TCERG1L: variants seen among roughly 807,000 people sequenced by gnomAD.
TCERG1L encodes transcription elongation regulator 1-like protein.
TCERG1L carries 37 observed loss-of-function variants against 56.3 expected under a neutral mutation model. The ratio of observed to expected loss-of-function variants is 0.66; its 90% CI spans 0.51 to 0.87. TCERG1L has a LOEUF of 0.87. TCERG1L is among the 40% of genes least tolerant of loss of function. The pLI is 0.00. For missense variants in TCERG1L, 799 were observed against 774.2 expected, an observed-to-expected ratio of 1.03 and a Z score of -0.38; for synonymous variants, 324 against 326.3, an observed-to-expected ratio of 0.99 and a Z score of 0.08.
chr10:131,229,872 A>AG (rs1325726415), intron 4 of TCERG1L, among the ~76,000 whole-genome samples: 1 of 152,258 alleles, frequency 6.6e-6, no homozygotes, highest in Non-Finnish European at 1.5e-5. Flanking sequence ...ATAAAGGCAC[A>AG]GGGTGAGTAA....
intron 4 of TCERG1L, among the ~76,000 whole-genome samples, chr10:131,252,334 C>A (rs1334131561): frequency 6.6e-6 from 1 of 152,136 alleles, no homozygotes; most frequent in Non-Finnish European, 1.5e-5. Flanking sequence ...TACTCTGAAG[C>A]ACCAATGTTG....
intron 4 of TCERG1L, among the ~76,000 whole-genome samples, chr10:131,180,930 A>G (rs1845167921): frequency 6.6e-6 from 1 of 152,136 alleles, no homozygotes; most frequent in African/African-American, 2.4e-5. Context: ...TCCTATTATT[A>G]GCGACGTCTA....
At chr10:131,136,358 G>A (rs1845675361) in intron 7 of TCERG1L, among the ~76,000 whole-genome samples, 2 of 151,902 alleles carry the variant, frequency 1.3e-5, no homozygotes, top group Admixed American at 6.5e-5. Context: ...TTTTGAGACG[G>A]AGTCTCGCTC....
chr10:131,290,563 G>A (rs11017865), intron 3 of TCERG1L, among the ~76,000 whole-genome samples: 65,771 of 150,072 alleles, frequency 0.44, 15,014 homozygotes, highest in East Asian at 0.61. Flanking sequence ...CCCACGAGGC[G>A]GAGGTTGCAG....
intron 8 of TCERG1L, among the ~76,000 whole-genome samples, chr10:131,127,301 CAAA>C (rs942588983): frequency 7.9e-5 from 12 of 152,182 alleles, no homozygotes; most frequent in Non-Finnish European, 1.8e-4. Context: ...AACTCCAGGC[CAAA>C]CCCTGACAGA....
chr10:131,197,042 C>G lies in TCERG1L; in HGVS notation c.857-30157G>C, dbSNP rs374786162. Among the ~76,000 whole-genome samples the G allele has an allele frequency of 6.1e-4, 93 of 152,218 alleles. 1 individual carries two copies. The highest frequency in any genetic ancestry group is 1.9e-3 in the South Asian group (9 of 4,814). ...GGAAGAGGCTGGGGAGTCCATGCCC[C>G]CCTCACCCTGCCCTTCCTCTACAAG... is the stretch of plus-strand genomic sequence containing the variant. On this transcript the variant is annotated intron_variant, in intron 4 of 11. Coordinates refer to ENST00000368642, the MANE Select transcript of TCERG1L (RefSeq NM_174937.4).
intron 5 of TCERG1L, among the ~76,000 whole-genome samples, chr10:131,164,826 G>A (rs1280747313): frequency 3.9e-5 from 6 of 152,092 alleles, no homozygotes; most frequent in South Asian, 2.1e-4. Flanking sequence ...TTAACCATTC[G>A]ACCACCAAAA....
chr10:131,189,989 G>C (rs938774137), intron 4 of TCERG1L, among the ~76,000 whole-genome samples: 2 of 151,950 alleles, frequency 1.3e-5, no homozygotes, highest in Non-Finnish European at 2.9e-5. Context: ...CAAAAACCTG[G>C]TTATTTGAAA....
intron 4 of TCERG1L, among the ~76,000 whole-genome samples, chr10:131,233,741 T>TC (rs1845878646): frequency 6.6e-6 from 1 of 152,252 alleles, no homozygotes; most frequent in South Asian, 2.1e-4. Context: ...TAACTCCTGC[T>TC]ATGCTTCGGC....
chr10:131,158,092 A>G (rs1845942219), intron 6 of TCERG1L, among the ~76,000 whole-genome samples: 1 of 152,258 alleles, frequency 6.6e-6, no homozygotes, highest in African/African-American at 2.4e-5. Flanking sequence ...CGACAACAGC[A>G]GAGAAATTCC....
At chr10:131,115,482 G>A (rs1845448687) in intron 9 of TCERG1L, among the ~76,000 whole-genome samples, 1 of 43,572 alleles carries the variant, frequency 2.3e-5, no homozygotes. Flanking sequence ...CCAACACCCA[G>A]GCGTCCACAT....
At chr10:131,225,206 G>C (rs1016833564) in intron 4 of TCERG1L, among the ~76,000 whole-genome samples, 14 of 152,184 alleles carry the variant, frequency 9.2e-5, no homozygotes, top group Admixed American at 9.2e-4. Context: ...ATTAAGCAGA[G>C]AGCAAAAATG....
chr10:131,233,358 T>C (rs1251809490), intron 4 of TCERG1L, among the ~76,000 whole-genome samples: 2 of 152,188 alleles, frequency 1.3e-5, no homozygotes, highest in Non-Finnish European at 2.9e-5. Flanking sequence ...TTTGGTCCCT[T>C]TAATCACAGC....
intron 4 of TCERG1L, among the ~76,000 whole-genome samples, chr10:131,200,857 T>C (rs1209005249): frequency 2.0e-5 from 3 of 152,044 alleles, no homozygotes; most frequent in Non-Finnish European, 4.4e-5. Flanking sequence ...GTGGGGCCTT[T>C]AGGAGTCGCT....
Position 131,308,392 on chromosome 10 carries a change from C to G in TCERG1L, c.490-1G>C. On this transcript the variant is annotated splice_acceptor_variant, in intron 2 of 11. Transcript: ENST00000368642. LOFTEE classifies it high-confidence loss of function. ...GAGCAAAGGAATTATTAAAAAAGAT[C>G]TGTCGAAAAATAATGCAAGCATAAC... is the stretch of plus-strand genomic sequence containing the variant. The G allele has an allele frequency of 6.2e-7, 1 of 1,612,222 alleles. No individual in the cohort carries two copies. The highest frequency in any genetic ancestry group is 8.5e-7 in the Non-Finnish European group (1 of 1,179,096).
chr10:131,250,713 C>T (rs1049622312), intron 4 of TCERG1L, among the ~76,000 whole-genome samples: 2 of 152,166 alleles, frequency 1.3e-5, no homozygotes, highest in South Asian at 2.1e-4. Context: ...CCTCCTAGCC[C>T]GGGAGCCCAG....
In TCERG1L at chr10:131,111,117, G is replaced by A. The variant is rs938163430; in HGVS notation, c.1395+5682C>T. On this transcript the variant is annotated intron_variant, in intron 9 of 11. Coordinates refer to ENST00000368642, the MANE Select transcript of TCERG1L (RefSeq NM_174937.4). ...GGAGGATAAAGCCCCAGCCTTGAGA[G>A]GGCCTCAGATCAGGGGCGCAGTCCA... Among the ~76,000 whole-genome samples the A allele has an allele frequency of 7.7e-5, 11 of 143,618 alleles. 2 individuals carry two copies. The highest frequency in any genetic ancestry group is 1.6e-4 in the Non-Finnish European group (10 of 63,696). The allele number at this position is 143,618 out of a possible 152,430, so 94.2% of individuals were successfully genotyped here. A position where few individuals can be genotyped will look rare whatever the true frequency, so the allele number is the denominator to read the frequency against.
At position 131,163,142 on chromosome 10, in the gene TCERG1L, G is replaced by A; in HGVS notation, c.1014C>T (p.Thr338=). The A allele has an allele frequency of 1.3e-6, 2 of 1,580,268 alleles. No homozygotes were observed. Among genetic ancestry groups the A allele is most frequent in the Non-Finnish European group, 1.7e-6 (2 of 1,162,654 alleles). The change falls in exon 6 of 12, where the codon ACC becomes ACT. Residue 338 remains threonine (T), a synonymous_variant. Coordinates refer to ENST00000368642, the MANE Select transcript of TCERG1L (RefSeq NM_174937.4). ...CTTACCAGGGGGATCCGGGCACCGG[G>A]GTGGAGGCCACTGGCCTGTTGCCTC... ...TARGNRPVAS[T]PVPGSPWCVV...
intron 8 of TCERG1L, among the ~76,000 whole-genome samples, chr10:131,117,241 A>G (rs887475100): frequency 1.3e-5 from 2 of 152,192 alleles, no homozygotes; most frequent in African/African-American, 4.8e-5. Flanking sequence ...TCTCCTGGGC[A>G]GGCCCTCACT....
Sources: allele counts gnomAD v4.1 joint callset (sites outside exome capture counted in the v4.1 genomes callset), GRCh38; gene constraint gnomAD v4.1.1; transcripts MANE v1.5; gene names NCBI Gene and HGNC (gene_info 2026-07-23, HGNC 2026-07-21).